Variants in CASK observed in about 807,000 individuals in gnomAD.
CASK encodes the protein calcium/calmodulin dependent serine protein kinase, also known as peripheral plasma membrane protein CASK.
Under a neutral mutation model 82.9 loss-of-function variants are expected in CASK, and 4 were observed. That is an observed-to-expected ratio of 0.05 (90% CI 0.02 to 0.11). The LOEUF is 0.11. Among genes scored for constraint, CASK ranks in the 10% least tolerant of loss-of-function variants. CASK has a pLI of 1.00. For missense variants in CASK, 358 were observed against 720.9 expected (o/e 0.50, Z 5.76); for synonymous variants, 259 against 253.5 (o/e 1.02, Z -0.20).
chrX:41,529,198 G>A (rs1602216251), intron 25 of CASK, among the ~76,000 whole-genome samples: 2 of 111,826 alleles, frequency 1.8e-5, no homozygotes, highest in African/African-American at 6.5e-5. Context: ...CAGCACTCAG[G>A]GGAGCAGAGG....
intron 1 of CASK, among the ~76,000 whole-genome samples, chrX:41,854,171 T>G (rs149516280): frequency 6.6e-4 from 70 of 105,308 alleles, no homozygotes; most frequent in African/African-American, 2.4e-3. Context: ...CTGAGATGAT[T>G]TAAAGATGCC....
intron 1 of CASK, among the ~76,000 whole-genome samples, chrX:41,855,318 T>C (rs949869068): frequency 1.8e-5 from 2 of 111,897 alleles, no homozygotes; most frequent in Non-Finnish European, 3.8e-5. Context: ...TATGAACTAC[T>C]GAAGACCTGA....
At chrX:41,769,117 G>A (rs1388974604) in intron 3 of CASK, among the ~76,000 whole-genome samples, 1 of 109,454 alleles carries the variant, frequency 9.1e-6, no homozygotes, top group African/African-American at 3.3e-5. Flanking sequence ...TTCTTGTAAT[G>A]GTAGACTAGA....
chrX:41,695,857 C>T (rs375417033), intron 5 of CASK: 5 of 1,205,555 alleles, frequency 4.1e-6, no homozygotes, highest in East Asian at 3.0e-5. Context: ...AACATAATCG[C>T]CCTCTATGTA....
At chrX:41,583,517 A>G (rs2065612067) in intron 14 of CASK, among the ~76,000 whole-genome samples, 1 of 109,460 alleles carries the variant, frequency 9.1e-6, no homozygotes, top group African/African-American at 3.3e-5. Flanking sequence ...CCTCACTGAA[A>G]CCTCTGTCTC....
intron 3 of CASK, among the ~76,000 whole-genome samples, chrX:41,758,097 G>T (rs1017215050): frequency 4.5e-5 from 5 of 111,638 alleles, no homozygotes; most frequent in Non-Finnish European, 7.5e-5. Context: ...GTTACATGAA[G>T]ATCCCATCTT....
At chrX:41,522,858 G>A (rs1225522705) in intron 26 of CASK, 2 of 112,633 alleles carry the variant, frequency 1.8e-5, no homozygotes, top group African/African-American at 3.2e-5. Context: ...TGACTCACAC[G>A]TGAGCAGGGT....
At chrX:41,740,854 T>C (rs1341698890) in intron 4 of CASK, among the ~76,000 whole-genome samples, 1 of 112,084 alleles carries the variant, frequency 8.9e-6, no homozygotes, top group Admixed American at 9.5e-5. Context: ...GCTTGGGCCA[T>C]TGTAGCCTGT....
chrX:41,894,997 C>T (rs929124177), intron 1 of CASK, among the ~76,000 whole-genome samples: 4 of 111,675 alleles, frequency 3.6e-5, no homozygotes, highest in Admixed American at 9.5e-5. Flanking sequence ...TATCCCACTT[C>T]TCTATCCTAT....
At chrX:41,569,547 G>T in intron 16 of CASK, 121 bp downstream of exon 16, 1 of 535,341 alleles carries the variant, frequency 1.9e-6, no homozygotes, top group Non-Finnish European at 3.2e-6. Context: ...CTCAAGACCA[G>T]TCTGGGCAAC....
At position 41,861,013 on chromosome X, in the gene CASK, A is replaced by G. The variant is rs997952220; in HGVS notation, c.60-7786T>C. Among the ~76,000 whole-genome samples, 6 of 112,342 alleles carry G rather than the reference A, an allele frequency of 5.3e-5. No individual in the cohort carries two copies. The East Asian group carries it at 1.7e-3, about 31-fold the overall frequency. ...TGAACAATTCAGAGTTAAGACTAGC[A>G]TTTACTAACTCAGTACTTATATTGA... On this transcript the variant is annotated intron_variant, in intron 1 of 26. Transcript: ENST00000378163.
At position 41,772,778 on chromosome X, in the gene CASK, T is replaced by C. The variant is rs763764233; in HGVS notation, c.278+14400A>G. 1.4e-4 allele frequency among the ~76,000 whole-genome samples: 16 copies of C among 111,090 alleles called. No individual in the cohort carries two copies. In the East Asian group the frequency reaches 4.5e-3, roughly 32 times the overall value. ...ACTTTAGGAGGCCGAGGCGGGCGGA[T>C]CACCTGAGGTAACGAGTTTGAGACC... On this transcript the variant is annotated intron_variant, in intron 3 of 26. Transcript: ENST00000378163.
intron 5 of CASK, among the ~76,000 whole-genome samples, chrX:41,675,558 A>G (rs2067254054): frequency 8.9e-6 from 1 of 112,511 alleles, no homozygotes; most frequent in South Asian, 3.6e-4. Flanking sequence ...CAAGATGAAA[A>G]CAGGTAACTC....
chrX:41,575,726 T>C (rs1234196252), intron 15 of CASK, among the ~76,000 whole-genome samples: 5 of 111,485 alleles, frequency 4.5e-5, no homozygotes, highest in African/African-American at 1.6e-4. Context: ...TTGTATTAAA[T>C]GCATTAGAGA....
rs139851893 is a variant in CASK at position 41,749,299 on chromosome X, A to C, written c.279-3698T>G. ...ACTCCATCTCAAAACAAAAACAAAAACATGGACAGACAAAATAAAATACTG... is the reference window on the plus strand; with the variant it reads ...ACTCCATCTCAAAACAAAAACAAAACCATGGACAGACAAAATAAAATACTG... On this transcript the variant is annotated intron_variant, in intron 3 of 26. Transcript: ENST00000378163. Among the ~76,000 whole-genome samples, 83 of 107,310 alleles carry C rather than the reference A, an allele frequency of 7.7e-4. No individual in the cohort carries two copies. The East Asian group carries it at 0.018, about 23-fold the overall frequency. 93.2% of individuals were successfully genotyped at this position (107,310 alleles called of 115,157 possible).
chrX:41,714,043 A>C, intron 5 of CASK, among the ~76,000 whole-genome samples: 2 of 112,008 alleles, frequency 1.8e-5, no homozygotes, highest in Non-Finnish European at 3.8e-5. Flanking sequence ...AAGATTGACA[A>C]AAGGGCTAAG....
intron 16 of CASK, chrX:41,562,904 A>C (rs1399516359): frequency 9.3e-6 from 1 of 108,057 alleles, no homozygotes; most frequent in Non-Finnish European, 1.9e-5. Context: ...ACTAAAATAT[A>C]AAAATTAGCT....
Position 41,923,124 on chromosome X carries a change from G to A in CASK, c.-136C>T. On this transcript the variant is annotated 5_prime_UTR_variant, in exon 1 of 27. Transcript: ENST00000378163. The stretch of plus-strand genomic sequence containing the variant: ...AGCCCTCGGTGCCGAGGACGCTCGA[G>A]TGGGGCCGCGAGGCCCAGAGACTGC... 2.1e-6 allele frequency: 1 copy of A among 471,769 alleles called. No individual in the cohort carries two copies. Among genetic ancestry groups the A allele is most frequent in the South Asian group, 3.8e-5 (1 of 26,386 alleles). 38.9% of individuals were successfully genotyped at this position (471,769 alleles called of 1,213,427 possible).
chrX:41,734,000 G>C (rs1310975593), intron 5 of CASK, among the ~76,000 whole-genome samples: 2 of 110,707 alleles, frequency 1.8e-5, no homozygotes, highest in Non-Finnish European at 3.8e-5. Flanking sequence ...GGAGAACTGA[G>C]ACCAGAAGGG....
Sources: gnomAD v4.1 joint callset for allele counts (sites outside exome capture counted in the v4.1 genomes callset) on GRCh38, gnomAD v4.1.1 for gene constraint, MANE v1.5 for transcripts, NCBI Gene and HGNC (gene_info 2026-07-23, HGNC 2026-07-21) for gene names.